Variants in SLC39A12 observed in about 807,000 individuals in gnomAD.
The protein encoded by SLC39A12 is solute carrier family 39 member 12, also known as zinc transporter ZIP12.
In SLC39A12, 63 loss-of-function variants were observed where a neutral mutation model predicts 71.1. That is an observed-to-expected ratio of 0.89 (90% CI 0.72 to 1.09). The LOEUF (loss-of-function observed/expected upper bound fraction) is 1.09. SLC39A12 is among the 50% of genes least tolerant of loss of function. SLC39A12 has a pLI of 0.00. For synonymous variants in SLC39A12, 351 were observed against 301.3 expected (o/e 1.16, Z -1.71); for missense variants, 892 against 812.6 (o/e 1.10, Z -1.19).
intron 12 of SLC39A12, among the ~76,000 whole-genome samples, chr10:18,010,997 A>G (rs1564656354): frequency 6.6e-6 from 1 of 151,910 alleles, no homozygotes; most frequent in Non-Finnish European, 1.5e-5. Flanking sequence ...TTTTCTTTTC[A>G]TTTCGTTTCT....
chr10:17,966,618 A>AT (rs911749111), intron 4 of SLC39A12, among the ~76,000 whole-genome samples: 3 of 151,772 alleles, frequency 2.0e-5, no homozygotes, highest in Non-Finnish European at 2.9e-5. Context: ...GTTGGATTTT[A>AT]TTTTTTTAAA....
chr10:18,010,951 C>A (rs1457069480), intron 12 of SLC39A12, among the ~76,000 whole-genome samples: 1 of 152,154 alleles, frequency 6.6e-6, no homozygotes, highest in East Asian at 1.9e-4. Context: ...TTCTACTTAA[C>A]TAATAGTAAA....
At chr10:17,989,900 G>A (rs1238109961) in intron 7 of SLC39A12, among the ~76,000 whole-genome samples, 1 of 151,872 alleles carries the variant, frequency 6.6e-6, no homozygotes, top group African/African-American at 2.4e-5. Flanking sequence ...AACAGAACGA[G>A]ACTCTGTCTC....
chr10:17,992,088 C>CAAAAAAAAAAA (rs59014549), intron 8 of SLC39A12, among the ~76,000 whole-genome samples: 4 of 87,220 alleles, frequency 4.6e-5, no homozygotes, highest in Non-Finnish European at 6.3e-5. Context: ...GACTCCATCT[C>CAAAAAAAAAAA]AAAAAAAAAA....
At chr10:18,024,337 T>G (rs984272584) in intron 12 of SLC39A12, among the ~76,000 whole-genome samples, 4 of 151,952 alleles carry the variant, frequency 2.6e-5, no homozygotes, top group Non-Finnish European at 5.9e-5. Flanking sequence ...TCCATGTAGC[T>G]CTCCATGTCA....
At chr10:17,966,675 C>T (rs1055588996) in intron 4 of SLC39A12, among the ~76,000 whole-genome samples, 1 of 151,796 alleles carries the variant, frequency 6.6e-6, no homozygotes, top group African/African-American at 2.4e-5. Context: ...TCCTTAATAT[C>T]ATAAAAAATT....
intron 3 of SLC39A12, among the ~76,000 whole-genome samples, chr10:17,962,422 C>T (rs568050982): frequency 9.1e-4 from 139 of 152,318 alleles, no homozygotes; most frequent in Non-Finnish European, 1.6e-3. Context: ...CAGCTCCCAC[C>T]TGGTCTCTGT....
At chr10:17,955,624 C>T (rs978471472) in intron 2 of SLC39A12, among the ~76,000 whole-genome samples, 6 of 152,112 alleles carry the variant, frequency 3.9e-5, no homozygotes, top group Admixed American at 2.6e-4. Flanking sequence ...GGGGTTTCTT[C>T]ATATCCCTAA....
chr10:18,003,073 T>C (rs894894682), intron 11 of SLC39A12, 98 bp from the exon 12 acceptor site: 2 of 1,077,466 alleles, frequency 1.9e-6, no homozygotes, highest in African/African-American at 3.2e-5. Context: ...TAAAATTGGT[T>C]CCAGTGCTGA....
At chr10:18,011,811 A>T (rs927120450) in intron 12 of SLC39A12, among the ~76,000 whole-genome samples, 1 of 152,270 alleles carries the variant, frequency 6.6e-6, no homozygotes, top group Non-Finnish European at 1.5e-5. Flanking sequence ...AAAAAAATGT[A>T]ATTTATCTTC....
chr10:18,015,487 A>G (rs1463980955), intron 12 of SLC39A12, among the ~76,000 whole-genome samples: 1 of 152,118 alleles, frequency 6.6e-6, no homozygotes, highest in South Asian at 2.1e-4. Flanking sequence ...AAAAAAATCT[A>G]GGTGCATTGG....
intron 6 of SLC39A12, among the ~76,000 whole-genome samples, 154 bp downstream of exon 6, chr10:17,981,637 T>C (rs1341739646): frequency 6.6e-6 from 1 of 152,158 alleles, no homozygotes; most frequent in Non-Finnish European, 1.5e-5. Flanking sequence ...AAGGTAGATA[T>C]TATTATTCCC....
chr10:17,986,948 T>C (rs983827157), intron 6 of SLC39A12, among the ~76,000 whole-genome samples: 3 of 151,930 alleles, frequency 2.0e-5, no homozygotes, highest in African/African-American at 7.3e-5. Context: ...AGGATTATAG[T>C]GAGCTATAAT....
intron 12 of SLC39A12, among the ~76,000 whole-genome samples, chr10:18,033,755 T>C (rs1413048473): frequency 1.0e-4 from 15 of 145,210 alleles, no homozygotes; most frequent in Non-Finnish European, 2.0e-4. Context: ...GGTGTCAATT[T>C]TGGATCTTTC....
At position 17,993,175 on chromosome 10, in the gene SLC39A12, A is replaced by T; in HGVS notation, c.1423-6A>T. On this transcript the variant is annotated splice_region_variant and splice_polypyrimidine_tract_variant and intron_variant, in intron 8 of 12. Coordinates refer to ENST00000377369, the MANE Select transcript of SLC39A12 (RefSeq NM_001145195.2). The stretch of plus-strand genomic sequence containing the variant: ...TCAACACTAATTTTAAACCATCCTC[A>T]TCCAGCAGGGCCTGTCATTGGTTAA... 6.5e-7 allele frequency: 1 copy of T among 1,547,420 alleles called. No individual in the cohort carries two copies. The highest frequency in any genetic ancestry group is 8.7e-7 in the Non-Finnish European group (1 of 1,143,570).
intron 12 of SLC39A12, among the ~76,000 whole-genome samples, chr10:18,036,229 G>A (rs556750179): frequency 4.6e-4 from 70 of 152,336 alleles, no homozygotes; most frequent in African/African-American, 1.4e-3. Context: ...GGGCAATGGC[G>A]GGCGCCCCTC....
intron 6 of SLC39A12, among the ~76,000 whole-genome samples, chr10:17,984,292 A>C (rs962032121): frequency 2.0e-5 from 3 of 152,212 alleles, no homozygotes; most frequent in African/African-American, 7.2e-5. Flanking sequence ...ATCTAAAAAG[A>C]TTTGCTAACC....
intron 6 of SLC39A12, among the ~76,000 whole-genome samples, chr10:17,983,235 A>T (rs1239811837): frequency 6.7e-6 from 1 of 150,188 alleles, no homozygotes; most frequent in African/African-American, 2.5e-5. Context: ...TCACACCTGT[A>T]GTCCTAGTAC....
At chr10:17,999,593 G>C (rs2130840009) in intron 10 of SLC39A12, among the ~76,000 whole-genome samples, 1 of 152,254 alleles carries the variant, frequency 6.6e-6, no homozygotes, top group South Asian at 2.1e-4. Flanking sequence ...TTAAAAAGCT[G>C]AACCCAATTA....
Sources: gnomAD v4.1 joint callset for allele counts (sites outside exome capture counted in the v4.1 genomes callset) on GRCh38, gnomAD v4.1.1 for gene constraint, MANE v1.5 for transcripts, NCBI Gene and HGNC (gene_info 2026-07-23, HGNC 2026-07-21) for gene names.